ZBTB20: variants seen among roughly 807,000 people sequenced by gnomAD.
The protein encoded by ZBTB20 is zinc finger and BTB domain containing 20, also known as zinc finger and BTB domain-containing protein 20.
In ZBTB20, 9 loss-of-function variants were observed where a neutral mutation model predicts 56.9. The ratio of observed to expected loss-of-function variants is 0.16; its 90% confidence interval spans 0.10 to 0.28. ZBTB20 has a LOEUF of 0.28. Ranked by LOEUF, ZBTB20 falls within the 10% of genes least tolerant of loss-of-function variation. The pLI, the probability that ZBTB20 is intolerant of heterozygous loss-of-function variation, is 1.00. For missense variants in ZBTB20, 655 were observed against 1,003.0 expected (o/e 0.65, Z 4.69); for synonymous variants, 417 against 420.7 (o/e 0.99, Z 0.11).
intron 5 of ZBTB20, among the ~76,000 whole-genome samples, chr3:114,776,702 G>A (rs1560237001): frequency 6.6e-6 from 1 of 152,150 alleles, no homozygotes. Context: ...ATTGTTCAGA[G>A]CATTTGTGAA....
At chr3:114,855,822 T>C (rs1440557747) in intron 4 of ZBTB20, among the ~76,000 whole-genome samples, 3 of 152,202 alleles carry the variant, frequency 2.0e-5, no homozygotes, top group Non-Finnish European at 4.4e-5. Context: ...TATGTGTTTG[T>C]GCCACCAGGC....
In ZBTB20 at chr3:114,628,128, C is replaced by G. The variant is rs2058744835; in HGVS notation, c.-295+65400G>C. On this transcript the variant is annotated intron_variant, in intron 6 of 11. Coordinates refer to ENST00000675478, the MANE Select transcript of ZBTB20 (RefSeq NM_001348800.3). Reference sequence around the variant, plus strand: ...ATAGCTCATTTCCTTTTTTTTCTCCCTTTGGCATCAACTGCTCAACAACTC... The same window carrying G: ...ATAGCTCATTTCCTTTTTTTTCTCCGTTTGGCATCAACTGCTCAACAACTC... Among the ~76,000 whole-genome samples, 5 of 152,068 alleles carry G rather than the reference C, an allele frequency of 3.3e-5. No homozygotes were observed. In the South Asian group the frequency reaches 1.0e-3, roughly 31 times the overall value.
intron 7 of ZBTB20, chr3:114,454,663 A>T (rs1194849054): frequency 3.3e-5 from 5 of 151,702 alleles, no homozygotes; most frequent in African/African-American, 1.2e-4. Flanking sequence ...AACCTCCTCC[A>T]CTGCCTCTTT....
At chr3:114,733,611 A>G (rs1338140292) in intron 5 of ZBTB20, among the ~76,000 whole-genome samples, 2 of 152,146 alleles carry the variant, frequency 1.3e-5, no homozygotes, top group Admixed American at 1.3e-4. Flanking sequence ...TTCTACCTCT[A>G]TGCCCTCTCA....
intron 8 of ZBTB20, among the ~76,000 whole-genome samples, chr3:114,384,789 G>A: frequency 6.6e-6 from 1 of 152,164 alleles, no homozygotes; most frequent in South Asian, 2.1e-4. Context: ...AGACCATATT[G>A]TATGTGGAAA....
intron 4 of ZBTB20, among the ~76,000 whole-genome samples, chr3:114,860,609 G>A (rs184232171): frequency 1.9e-3 from 291 of 152,288 alleles, no homozygotes; most frequent in African/African-American, 6.9e-3. Flanking sequence ...AGGGTAGGAG[G>A]CACTATAGGA....
chr3:115,127,378 T>A (rs1359839596), intron 1 of ZBTB20, among the ~76,000 whole-genome samples: 2 of 152,152 alleles, frequency 1.3e-5, no homozygotes, highest in Non-Finnish European at 2.9e-5. Context: ...TCACTTGAGG[T>A]TAAGAGTTCA....
intron 4 of ZBTB20, among the ~76,000 whole-genome samples, chr3:114,835,418 T>A (rs2074069503): frequency 6.6e-6 from 1 of 152,338 alleles, no homozygotes; most frequent in East Asian, 1.9e-4. Flanking sequence ...AAATAAAATC[T>A]GTTTTCATAT....
At chr3:114,600,794 TA>T (rs2056700485) in intron 6 of ZBTB20, among the ~76,000 whole-genome samples, 4 of 152,040 alleles carry the variant, frequency 2.6e-5, no homozygotes, top group Admixed American at 6.6e-5. Flanking sequence ...ACTCTGGGCT[TA>T]AAGTGCTATT....
At position 114,675,667 on chromosome 3, in the gene ZBTB20, G is replaced by A. The variant is rs549623735; in HGVS notation, c.-295+17861C>T. 7.2e-5 allele frequency among the ~76,000 whole-genome samples: 11 copies of A among 152,204 alleles called. 1 individual carries two copies. In the South Asian group the frequency reaches 2.3e-3, roughly 32 times the overall value. ...CTTTCACCTAAATATACAATGGAATGCTCTGAATTGTATGTTTTCTTTTCC... is the reference window on the plus strand; with the variant it reads ...CTTTCACCTAAATATACAATGGAATACTCTGAATTGTATGTTTTCTTTTCC... On this transcript the variant is annotated intron_variant, in intron 6 of 11. Transcript: ENST00000675478.
At chr3:114,602,924 G>GA (rs1423567211) in intron 6 of ZBTB20, among the ~76,000 whole-genome samples, 1 of 151,906 alleles carries the variant, frequency 6.6e-6, no homozygotes, top group Non-Finnish European at 1.5e-5. Context: ...TATACAAAGG[G>GA]AAATCATGGC....
intron 7 of ZBTB20, among the ~76,000 whole-genome samples, chr3:114,447,666 GA>G (rs1199670767): frequency 1.3e-5 from 2 of 152,148 alleles, no homozygotes; most frequent in Non-Finnish European, 2.9e-5. Context: ...CCTTAAAAGA[GA>G]GAGCCCCACA....
intron 1 of ZBTB20, among the ~76,000 whole-genome samples, chr3:115,122,487 T>C (rs907035300): frequency 1.3e-5 from 2 of 152,050 alleles, no homozygotes; most frequent in Non-Finnish European, 2.9e-5. Context: ...AATTACTTCC[T>C]ACATTTCATA....
In ZBTB20 at chr3:114,322,279, G is replaced by A. The variant is rs2078921749; in HGVS notation, c.*16726C>T. The stretch of plus-strand genomic sequence containing the variant: ...AAGATCATTTACAGTGTCAAGTAGT[G>A]TTGTTTATTTTTTTCTATTTTTTAA... On this transcript the variant is annotated 3_prime_UTR_variant, in exon 12 of 12. Transcript: ENST00000675478. 6.6e-6 allele frequency: 1 copy of A among 152,182 alleles called. No individual in the cohort carries two copies. Among genetic ancestry groups the A allele is most frequent in the Admixed American group, 6.5e-5 (1 of 15,278 alleles). 9.4% of individuals were successfully genotyped at this position (152,182 alleles called of 1,614,324 possible). A position where few individuals can be genotyped will look rare whatever the true frequency, so the allele number is the denominator to read the frequency against.
intron 4 of ZBTB20, among the ~76,000 whole-genome samples, chr3:114,864,196 A>G (rs1037472275): frequency 6.6e-6 from 1 of 152,096 alleles, no homozygotes; most frequent in Non-Finnish European, 1.5e-5. Flanking sequence ...TTCTGTTTGT[A>G]CATGTTCATG....
At chr3:114,608,595 A>T (rs1297379555) in intron 6 of ZBTB20, among the ~76,000 whole-genome samples, 3 of 152,218 alleles carry the variant, frequency 2.0e-5, no homozygotes, top group Non-Finnish European at 4.4e-5. Context: ...TCTCATAGCA[A>T]ACCATAAACT....
intron 6 of ZBTB20, among the ~76,000 whole-genome samples, chr3:114,618,236 T>TC (rs2058069652): frequency 2.3e-5 from 2 of 86,834 alleles, no homozygotes; most frequent in Non-Finnish European, 4.7e-5. Flanking sequence ...AATGTTTCTT[T>TC]CCTTTTTTTT....
intron 7 of ZBTB20, among the ~76,000 whole-genome samples, chr3:114,447,382 T>A (rs1361870428): frequency 4.6e-5 from 7 of 152,220 alleles, no homozygotes; most frequent in Admixed American, 4.6e-4. Context: ...ATCACCAAAA[T>A]CCTGCATGTG....
rs35258910 is a variant in ZBTB20 at position 114,454,967 on chromosome 3, CAGAGAG to C, written c.-255+45379_-255+45384del. On this transcript the variant is annotated intron_variant, in intron 7 of 11. Transcript: ENST00000675478. ...GAAAAAAAAACAGTAGAGCAAGAGA[CAGAGAG>C]AGAGAGAGAGAGAGAGAGACACCAA... The C allele has an allele frequency of 8.6e-3, 1,132 of 131,652 alleles. 15 individuals are homozygous for C. The highest frequency in any genetic ancestry group is 0.036 in the Middle Eastern group (9 of 252). The allele number at this position is 131,652 out of a possible 1,614,324, so 8.2% of individuals were successfully genotyped here. A position where few individuals can be genotyped will look rare whatever the true frequency, so the allele number is the denominator to read the frequency against.
Sources: allele counts gnomAD v4.1 joint callset (sites outside exome capture counted in the v4.1 genomes callset), GRCh38; gene constraint gnomAD v4.1.1; transcripts MANE v1.5; gene names NCBI Gene and HGNC (gene_info 2026-07-23, HGNC 2026-07-21).